The following ERO1B variants were observed in gnomAD, a reference collection of about 807,000 sequenced individuals.
ERO1B encodes endoplasmic reticulum oxidoreductase 1 beta.
ERO1B carries 49 observed loss-of-function variants against 75.3 expected under a neutral mutation model. The observed-to-expected ratio is 0.65, with a 90% CI of 0.52 to 0.83. The LOEUF (loss-of-function observed/expected upper bound fraction) is 0.83, where lower values mean the gene tolerates loss of function less well. Ranked by LOEUF, ERO1B falls within the 40% of genes least tolerant of loss-of-function variation. ERO1B has a pLI of 0.00. For missense variants in ERO1B, 512 were observed against 560.1 expected, an observed-to-expected ratio of 0.91 and a Z score of 0.87; for synonymous variants, 191 against 192.9, an observed-to-expected ratio of 0.99 and a Z score of 0.08.
intron 5 of ERO1B, among the ~76,000 whole-genome samples, chr1:236,248,555 ATCAT>A (rs1353286605): frequency 2.0e-5 from 3 of 152,234 alleles, no homozygotes; most frequent in Non-Finnish European, 4.4e-5. Context: ...TATGATGAAA[ATCAT>A]TCATCAGTTA....
intron 5 of ERO1B, 67 bp from the exon 6 acceptor site, chr1:236,243,562 C>G: frequency 1.0e-6 from 1 of 986,196 alleles, no homozygotes; most frequent in Non-Finnish European, 1.5e-6. Flanking sequence ...ATACTGTATT[C>G]TAGTGTAATT....
chr1:236,275,535 C>T (rs544967251), intron 1 of ERO1B, among the ~76,000 whole-genome samples: 17 of 152,214 alleles, frequency 1.1e-4, no homozygotes, highest in Non-Finnish European at 1.8e-4. Context: ...TTCCCCAACC[C>T]GGAAGCTCAT....
At chr1:236,276,189 G>A (rs1037508055) in intron 1 of ERO1B, among the ~76,000 whole-genome samples, 1 of 152,158 alleles carries the variant, frequency 6.6e-6, no homozygotes, top group Non-Finnish European at 1.5e-5. Flanking sequence ...CAGAAATGTG[G>A]TTTCTATATC....
intron 2 of ERO1B, among the ~76,000 whole-genome samples, chr1:236,261,065 A>C (rs1048437491): frequency 6.6e-6 from 1 of 152,198 alleles, no homozygotes; most frequent in Non-Finnish European, 1.5e-5. Flanking sequence ...AAGCCACATG[A>C]TTATTTTGAT....
At chr1:236,235,027 T>A (rs1414147537) in intron 8 of ERO1B, among the ~76,000 whole-genome samples, 2 of 152,176 alleles carry the variant, frequency 1.3e-5, no homozygotes, top group Non-Finnish European at 2.9e-5. Context: ...ACCAAAACAA[T>A]AAGGTTCTGT....
At position 236,217,063 on chromosome 1, in the gene ERO1B, T is replaced by C. The variant is rs1664006809; in HGVS notation, c.*1453A>G. ...CACATCCCACCAAGAGATGGCTAAGTATTTTTAAGAGGGGTGAGCCAAGCC... is the reference window on the plus strand; with the variant it reads ...CACATCCCACCAAGAGATGGCTAAGCATTTTTAAGAGGGGTGAGCCAAGCC... On this transcript the variant is annotated 3_prime_UTR_variant, in exon 16 of 16. Coordinates refer to ENST00000354619, the MANE Select transcript of ERO1B (RefSeq NM_019891.4). The C allele has an allele frequency of 6.6e-6, 1 of 152,076 alleles. No individual in the cohort carries two copies. The highest frequency in any genetic ancestry group is 2.1e-4 in the South Asian group (1 of 4,822). The allele number at this position is 152,076 out of a possible 1,614,324, so 9.4% of individuals were successfully genotyped here.
At chr1:236,229,085 T>C (rs1459881509) in intron 10 of ERO1B, among the ~76,000 whole-genome samples, 1 of 152,178 alleles carries the variant, frequency 6.6e-6, no homozygotes, top group Non-Finnish European at 1.5e-5. Flanking sequence ...TGCACATCAA[T>C]AATGTTCACC....
chr1:236,228,220 GC>G (rs1664323170), intron 10 of ERO1B, among the ~76,000 whole-genome samples: 2 of 152,144 alleles, frequency 1.3e-5, no homozygotes, highest in African/African-American at 2.4e-5. Flanking sequence ...GTTATAATTT[GC>G]AAAGCCCACA....
chr1:236,267,137 TTACA>T (rs1343824159), intron 2 of ERO1B, among the ~76,000 whole-genome samples: 2 of 152,228 alleles, frequency 1.3e-5, no homozygotes, highest in African/African-American at 4.8e-5. Context: ...AATATAACTC[TTACA>T]TAAAGTTTGG....
At chr1:236,258,594 CAT>C (rs1250882637) in intron 2 of ERO1B, among the ~76,000 whole-genome samples, 12 of 152,122 alleles carry the variant, frequency 7.9e-5, no homozygotes, top group African/African-American at 2.9e-4. Flanking sequence ...ATATTAAAAA[CAT>C]ATGAAAACGG....
At chr1:236,260,953 G>C (rs12136146) in intron 2 of ERO1B, among the ~76,000 whole-genome samples, 5,008 of 152,054 alleles carry the variant, frequency 0.033, 125 homozygotes, top group Middle Eastern at 0.065. Context: ...ATAGTAAAAA[G>C]ATCACTCACC....
At chr1:236,234,424 CTG>C (rs1318834031) in intron 8 of ERO1B, among the ~76,000 whole-genome samples, 3 of 152,304 alleles carry the variant, frequency 2.0e-5, no homozygotes, top group African/African-American at 7.2e-5. Flanking sequence ...CTTTCAAACT[CTG>C]TACTATGGAA....
chr1:236,278,505 T>G (rs1022109507), intron 1 of ERO1B, among the ~76,000 whole-genome samples: 3 of 152,108 alleles, frequency 2.0e-5, no homozygotes, highest in Non-Finnish European at 4.4e-5. Context: ...ATGCAACTGC[T>G]AAAGCAGCTC....
chr1:236,255,679 T>C (rs113268239), intron 2 of ERO1B, among the ~76,000 whole-genome samples: 2 of 152,122 alleles, frequency 1.3e-5, no homozygotes, highest in Non-Finnish European at 1.5e-5. Flanking sequence ...CTAGAAGTGT[T>C]TGAGGGAGAT....
intron 15 of ERO1B, 81 bp downstream of exon 15, chr1:236,220,733 TCAACAAAACAAACCCTAC>T: frequency 3.8e-6 from 5 of 1,312,870 alleles, no homozygotes; most frequent in Non-Finnish European, 4.0e-6. Context: ...TTTTTTTTTG[TCAACAAAACAAACCCTAC>T]TTTTAGCAAA....
chr1:236,249,969 T>C lies in ERO1B; in HGVS notation c.349-2A>G. Reference sequence around the variant, plus strand: ...GGTATTGTTTGCCATTTTCAAGTACTGCAAAGAAGTTCGTAAGTTTAGTAA... The same window carrying C: ...GGTATTGTTTGCCATTTTCAAGTACCGCAAAGAAGTTCGTAAGTTTAGTAA... On this transcript the variant is annotated splice_acceptor_variant, in intron 4 of 15. Coordinates refer to ENST00000354619, the MANE Select transcript of ERO1B (RefSeq NM_019891.4). LOFTEE classifies it high-confidence loss of function. The C allele has an allele frequency of 6.3e-7, 1 of 1,585,272 alleles. No individual in the cohort carries two copies. Among genetic ancestry groups the C allele is most frequent in the South Asian group, 1.2e-5 (1 of 83,396 alleles).
At chr1:236,250,602 T>TA (rs1413322372) in intron 4 of ERO1B, among the ~76,000 whole-genome samples, 1 of 62,314 alleles carries the variant, frequency 1.6e-5, no homozygotes, top group African/African-American at 6.4e-5. Flanking sequence ...TATATATATA[T>TA]ATATATATAT....
chr1:236,261,458 C>T (rs1159486209), intron 2 of ERO1B, among the ~76,000 whole-genome samples: 1 of 152,136 alleles, frequency 6.6e-6, no homozygotes, highest in Non-Finnish European at 1.5e-5. Context: ...TGCAAAGTTG[C>T]AGGTTACGAT....
chr1:236,226,002 C>T (rs1664268623), intron 12 of ERO1B, among the ~76,000 whole-genome samples: 1 of 152,140 alleles, frequency 6.6e-6, no homozygotes, highest in South Asian at 2.1e-4. Context: ...TAAAGTAGCA[C>T]TAAATTTTGA....
Sources: allele counts gnomAD v4.1 joint callset (sites outside exome capture counted in the v4.1 genomes callset), GRCh38; gene constraint gnomAD v4.1.1; transcripts MANE v1.5; gene names NCBI Gene and HGNC (gene_info 2026-07-23, HGNC 2026-07-21).